Variants in MGST2 observed in about 807,000 individuals in gnomAD.
MGST2 encodes the protein glutathione peroxidase MGST2.
Under a neutral mutation model 16.6 loss-of-function variants are expected in MGST2, and 9 were observed. The observed-to-expected ratio is 0.54, with a 90% CI of 0.33 to 0.95. The LOEUF is 0.95. MGST2 is among the 40% of genes least tolerant of loss of function. MGST2 has a pLI of 0.03. For synonymous variants in MGST2, 79 were observed against 68.0 expected (o/e 1.16, Z -0.79); for missense variants, 159 against 175.1 (o/e 0.91, Z 0.52).
intron 5 of MGST2, among the ~76,000 whole-genome samples, chr4:139,722,804 G>T (rs1490836022): frequency 6.6e-6 from 1 of 152,168 alleles, no homozygotes; most frequent in Non-Finnish European, 1.5e-5. Flanking sequence ...CTCCAAGAAT[G>T]ATATTTCTTA....
intron 1 of MGST2, among the ~76,000 whole-genome samples, chr4:139,667,873 T>C (rs1730455006): frequency 6.6e-6 from 1 of 151,820 alleles, no homozygotes; most frequent in Non-Finnish European, 1.5e-5. Flanking sequence ...AAAAAAAAGA[T>C]GTTGATGAAG....
At chr4:139,727,760 A>C (rs1728534910) in intron 5 of MGST2, among the ~76,000 whole-genome samples, 1 of 152,174 alleles carries the variant, frequency 6.6e-6, no homozygotes, top group African/African-American at 2.4e-5. Context: ...AATCATTTTA[A>C]AGTTTCCCAA....
In MGST2 at chr4:139,715,190, C is replaced by T. The variant is rs1031595279; in HGVS notation, c.*48+10994C>T. Among the ~76,000 whole-genome samples, 6 of 152,158 alleles carry T rather than the reference C, an allele frequency of 3.9e-5. No homozygotes were observed. The highest frequency in any genetic ancestry group is 8.8e-5 in the Non-Finnish European group (6 of 68,026). On this transcript the variant is annotated intron_variant, in intron 5 of 5. Coordinates refer to the MGST2 transcript ENST00000616265. The surrounding 1 kb of genome is among the most constrained non-coding windows in gnomAD (Gnocchi z 4.4). ...TAGGAGAGACTCTAACTCCACTAAG[C>T]TGGGCCTCTAACCCAATCCCATTCT... is the stretch of plus-strand genomic sequence containing the variant.
chr4:139,697,038 G>A (rs905485631), intron 3 of MGST2, among the ~76,000 whole-genome samples: 2 of 152,098 alleles, frequency 1.3e-5, no homozygotes, highest in Non-Finnish European at 2.9e-5. Flanking sequence ...AGGTAATCCC[G>A]TCCTGACTTC....
downstream of MGST2, among the ~76,000 whole-genome samples, chr4:139,706,757 CACTTTAA>C (rs1560758386): frequency 6.6e-6 from 1 of 152,124 alleles, no homozygotes; most frequent in Non-Finnish European, 1.5e-5. Flanking sequence ...AAGGCCTTGT[CACTTTAA>C]ACATTCAAAC....
intron 3 of MGST2, among the ~76,000 whole-genome samples, chr4:139,696,126 C>G (rs2646073): frequency 0.35 from 53,740 of 152,008 alleles, 12,348 homozygotes; most frequent in African/African-American, 0.64. Context: ...TCATAAAGGT[C>G]TTCATCCTCA....
At chr4:139,697,102 C>CT (rs1158490623) in intron 3 of MGST2, among the ~76,000 whole-genome samples, 5 of 151,050 alleles carry the variant, frequency 3.3e-5, no homozygotes, top group South Asian at 2.1e-4. Context: ...GTTGTCCAAG[C>CT]TTTTTTTTTG....
At chr4:139,678,515 T>G in intron 1 of MGST2, 28 bp from the exon 2 acceptor site, 1 of 1,573,404 alleles carries the variant, frequency 6.4e-7, no homozygotes. Flanking sequence ...TGCCCCATCT[T>G]TAACGCAACA....
At chr4:139,700,706 T>G (rs1727203417) in intron 3 of MGST2, among the ~76,000 whole-genome samples, 1 of 152,226 alleles carries the variant, frequency 6.6e-6, no homozygotes, top group Non-Finnish European at 1.5e-5. Context: ...GCCGTTTGTA[T>G]GTAGCGACTC....
chr4:139,682,723 A>C (rs1046272511), intron 2 of MGST2, among the ~76,000 whole-genome samples: 1 of 152,222 alleles, frequency 6.6e-6, no homozygotes, highest in Admixed American at 6.5e-5. Context: ...TTAGAATTCC[A>C]GGCAAGAGAT....
chr4:139,710,855 G>A (rs994044520), intron 5 of MGST2, among the ~76,000 whole-genome samples: 19 of 152,140 alleles, frequency 1.2e-4, no homozygotes, highest in African/African-American at 4.6e-4. Flanking sequence ...TTTAAAGTTT[G>A]ATGAGGAGTC....
intron 5 of MGST2, among the ~76,000 whole-genome samples, chr4:139,722,699 CTAA>C (rs1247790903): frequency 6.6e-6 from 1 of 152,158 alleles, no homozygotes; most frequent in Non-Finnish European, 1.5e-5. Context: ...GATCCAGAAC[CTAA>C]TGAGGGAAAG....
rs572853277 is a variant in MGST2 at position 139,715,681 on chromosome 4, A to G, written c.*48+11485A>G. ...CTCCCCTTTTTAGACCATATAGGGT[A>G]ACTTCCTGACCTTGCCATGGCATTT... On this transcript the variant is annotated intron_variant, in intron 5 of 5. Coordinates refer to the MGST2 transcript ENST00000616265. This position sits in a 1 kb window ranked among gnomAD's most constrained non-coding sequence, Gnocchi z 4.4. Among the ~76,000 whole-genome samples the G allele has an allele frequency of 6.6e-6, 1 of 152,276 alleles. No homozygotes were observed. The highest frequency in any genetic ancestry group is 1.9e-4 in the East Asian group (1 of 5,172).
chr4:139,735,994 G>T lies in MGST2; in HGVS notation c.*49-4218G>T, dbSNP rs1728928085. On this transcript the variant is annotated intron_variant, in intron 5 of 5. Coordinates refer to the MGST2 transcript ENST00000616265. This position sits in a 1 kb window ranked among gnomAD's most constrained non-coding sequence, Gnocchi z 5.8. ...CCCCGCCACATCGTGTGTGTTAGTG[G>T]CTGGGAAGGACACGAGGACAGAGAT... is the stretch of plus-strand genomic sequence containing the variant. 6.6e-6 allele frequency among the ~76,000 whole-genome samples: 1 copy of T among 152,186 alleles called. No individual in the cohort carries two copies. The highest frequency in any genetic ancestry group is 6.5e-5 in the Admixed American group (1 of 15,282).
chr4:139,730,628 T>C, intron 5 of MGST2: 1 of 1,613,196 alleles, frequency 6.2e-7, no homozygotes, highest in Non-Finnish European at 8.5e-7. Flanking sequence ...GAGGACTGCA[T>C]GGGGCCTGTG....
At chr4:139,718,140 G>C (rs1429035375) in intron 5 of MGST2, 1 of 152,064 alleles carries the variant, frequency 6.6e-6, no homozygotes, top group Non-Finnish European at 1.5e-5. Flanking sequence ...TGACCTCCAG[G>C]CCACTCCTTC....
At chr4:139,692,098 T>C (rs1309527319) in intron 2 of MGST2, among the ~76,000 whole-genome samples, 2 of 151,702 alleles carry the variant, frequency 1.3e-5, no homozygotes, top group Non-Finnish European at 2.9e-5. Context: ...GGGACCAGGG[T>C]GAAAGTACAA....
At chr4:139,700,366 C>T (rs1291789815) in intron 3 of MGST2, among the ~76,000 whole-genome samples, 1 of 152,014 alleles carries the variant, frequency 6.6e-6, no homozygotes, top group Non-Finnish European at 1.5e-5. Flanking sequence ...CTCCTGATCT[C>T]GTGATCCGCC....
chr4:139,721,239 T>A (rs1464391252), intron 5 of MGST2, among the ~76,000 whole-genome samples: 2 of 152,114 alleles, frequency 1.3e-5, no homozygotes, highest in African/African-American at 4.8e-5. Flanking sequence ...TAATTAGGCA[T>A]TTGAGTGAGT....
Sources: gnomAD v4.1 joint callset for allele counts (sites outside exome capture counted in the v4.1 genomes callset) on GRCh38, gnomAD v4.1.1 for gene constraint, Gnocchi (gnomAD v3.1) non-coding constraint, MANE v1.5 for transcripts, NCBI Gene and HGNC (gene_info 2026-07-23, HGNC 2026-07-21) for gene names.